ITGA9: variants seen among roughly 807,000 people sequenced by gnomAD.
ITGA9 encodes integrin alpha-9.
In ITGA9, 56 loss-of-function variants were observed where a neutral mutation model predicts 127.8. That is an observed-to-expected ratio of 0.44 (90% confidence interval 0.35 to 0.55). The LOEUF is 0.55. Ranked by LOEUF, ITGA9 falls within the 20% of genes least tolerant of loss-of-function variation. The probability of loss-of-function intolerance (pLI) is 0.00; values close to 1 mark genes in which losing one functional copy is unlikely to be tolerated. For missense variants in ITGA9, 1,196 were observed against 1,347.1 expected (o/e 0.89, Z 1.76); for synonymous variants, 508 against 514.5 (o/e 0.99, Z 0.17).
At chr3:37,468,873 G>T (rs927450063) in intron 1 of ITGA9, among the ~76,000 whole-genome samples, 1 of 152,212 alleles carries the variant, frequency 6.6e-6, no homozygotes, top group Admixed American at 6.5e-5. Flanking sequence ...AACAACGCCT[G>T]TTCTCACTAA....
chr3:37,578,443 A>G (rs1476035506), intron 15 of ITGA9, among the ~76,000 whole-genome samples: 1 of 152,152 alleles, frequency 6.6e-6, no homozygotes, highest in Non-Finnish European at 1.5e-5. Context: ...CAGCTTTTGG[A>G]TGAATTTTCA....
chr3:37,471,517 G>C (rs73826555), intron 2 of ITGA9, among the ~76,000 whole-genome samples: 20 of 152,244 alleles, frequency 1.3e-4, no homozygotes, highest in African/African-American at 2.2e-4. Context: ...GGTGCAGGAA[G>C]CACAGCCTTC....
chr3:37,744,661 C>G (rs13059934), intron 22 of ITGA9, among the ~76,000 whole-genome samples: 6,736 of 152,270 alleles, frequency 0.044, 269 homozygotes, highest in South Asian at 0.14. Context: ...AGTTGGGGGT[C>G]AGCAAACTTT....
chr3:37,758,860 AGCTGACTGTAAACT>A (rs921788218), intron 23 of ITGA9, among the ~76,000 whole-genome samples: 7 of 152,146 alleles, frequency 4.6e-5, no homozygotes, highest in African/African-American at 9.7e-5. Context: ...TAAGAGCTGA[AGCTGACTGTAAACT>A]GCCTGATCTT....
chr3:37,633,687 G>A (rs755360799), intron 16 of ITGA9, among the ~76,000 whole-genome samples: 1 of 152,162 alleles, frequency 6.6e-6, no homozygotes, highest in African/African-American at 2.4e-5. Context: ...TGAGTCTCAA[G>A]AATAGCTGGT....
chr3:37,497,439 A>G (rs191021885), intron 5 of ITGA9, among the ~76,000 whole-genome samples: 252 of 152,244 alleles, frequency 1.7e-3, no homozygotes, highest in Non-Finnish European at 3.1e-3. Flanking sequence ...CGGGATCTAC[A>G]ACACATGTCT....
chr3:37,619,423 CAG>C (rs1370680597), intron 15 of ITGA9, among the ~76,000 whole-genome samples: 5 of 152,122 alleles, frequency 3.3e-5, no homozygotes, highest in African/African-American at 1.2e-4. Context: ...GTGAGGAAAA[CAG>C]AAAGGGACAG....
chr3:37,471,282 A>T (rs940068232), intron 2 of ITGA9, 148 bp downstream of exon 2: 1 of 923,402 alleles, frequency 1.1e-6, no homozygotes, highest in East Asian at 2.5e-5. Flanking sequence ...TGTATTGAGT[A>T]CGTAATAGTT....
chr3:37,562,241 A>T (rs1036222923), intron 15 of ITGA9, among the ~76,000 whole-genome samples: 4 of 152,142 alleles, frequency 2.6e-5, no homozygotes, highest in Non-Finnish European at 4.4e-5. Flanking sequence ...GTCTACCTCC[A>T]TGTAATCACA....
chr3:37,566,187 C>T (rs1251478600), intron 15 of ITGA9, among the ~76,000 whole-genome samples: 1 of 152,194 alleles, frequency 6.6e-6, no homozygotes, highest in Admixed American at 6.5e-5. Context: ...CATTCTAAGA[C>T]CCCTAGTAGA....
chr3:37,608,726 T>C (rs1699991610), intron 15 of ITGA9, among the ~76,000 whole-genome samples: 1 of 152,224 alleles, frequency 6.6e-6, no homozygotes, highest in Non-Finnish European at 1.5e-5. Flanking sequence ...CTGTTTTATA[T>C]TGTAAGCAGG....
At chr3:37,702,459 C>T (rs1191251313) in intron 18 of ITGA9, among the ~76,000 whole-genome samples, 1 of 152,190 alleles carries the variant, frequency 6.6e-6, no homozygotes, top group African/African-American at 2.4e-5. Flanking sequence ...GAGAGGTCTT[C>T]TCCAAGGTAT....
At chr3:37,736,814 T>A in intron 19 of ITGA9, 90 bp from the exon 20 acceptor site, 1 of 861,306 alleles carries the variant, frequency 1.2e-6, no homozygotes, top group Non-Finnish European at 2.0e-6. Flanking sequence ...GCAAATGAGC[T>A]TCCAGAGGTC....
chr3:37,693,791 C>A (rs1700856325), intron 18 of ITGA9, among the ~76,000 whole-genome samples: 1 of 152,176 alleles, frequency 6.6e-6, no homozygotes, highest in African/African-American at 2.4e-5. Flanking sequence ...GAGCCTCATC[C>A]CTCAGTGCTG....
At chr3:37,721,838 G>A (rs1344098714) in intron 18 of ITGA9, among the ~76,000 whole-genome samples, 8 of 152,144 alleles carry the variant, frequency 5.3e-5, no homozygotes, top group Admixed American at 6.5e-5. Context: ...TGAATGTTTT[G>A]GGAGAGGTGA....
At chr3:37,574,762 A>C (rs1699636649) in intron 15 of ITGA9, among the ~76,000 whole-genome samples, 1 of 152,128 alleles carries the variant, frequency 6.6e-6, no homozygotes, top group Non-Finnish European at 1.5e-5. Flanking sequence ...TCTTCTTTGC[A>C]GAAGGGGGGT....
At chr3:37,500,222 T>C (rs1356997260) in intron 5 of ITGA9, among the ~76,000 whole-genome samples, 1 of 152,146 alleles carries the variant, frequency 6.6e-6, no homozygotes, top group African/African-American at 2.4e-5. Flanking sequence ...GACAGATGAG[T>C]GTAAAAAGAA....
In ITGA9 at chr3:37,709,206, T is replaced by C. The variant is rs147002045; in HGVS notation, c.2068-23506T>C. Among the ~76,000 whole-genome samples the C allele has an allele frequency of 1.7e-3, 265 of 152,328 alleles. 3 individuals are homozygous for C. Among genetic ancestry groups the C allele is most frequent in the African/African-American group, 6.2e-3 (257 of 41,574 alleles). On this transcript the variant is annotated intron_variant, in intron 18 of 27. Transcript: ENST00000264741. ...GGACCATACCTGAGACATAGTAGCC[T>C]TTAGTTATTTTTGTCTAATTCTTCT...
rs148963483 is a variant in ITGA9, at chr3:37,494,950, T to C, written c.612+382T>C. Among the ~76,000 whole-genome samples, 240 of 152,266 alleles carry C rather than the reference T, an allele frequency of 1.6e-3. 1 individual carries two copies. The highest frequency in any genetic ancestry group is 5.5e-3 in the African/African-American group (228 of 41,548). ...CATGAAGCGTGTGAGCATCCCCTCC[T>C]AGCAGCCTTCTCTCCTTAGTGGAGA... is the stretch of plus-strand genomic sequence containing the variant. On this transcript the variant is annotated intron_variant, in intron 5 of 27. Transcript: ENST00000264741.
Sources: gnomAD v4.1 joint callset for allele counts (sites outside exome capture counted in the v4.1 genomes callset) on GRCh38, gnomAD v4.1.1 for gene constraint, MANE v1.5 for transcripts, NCBI Gene and HGNC (gene_info 2026-07-23, HGNC 2026-07-21) for gene names.